The following CD2AP variants were observed in gnomAD, a reference collection of about 807,000 sequenced individuals.
The protein encoded by CD2AP is CD2 associated protein, also known as CD2-associated protein.
In CD2AP, 46 loss-of-function variants were observed where a neutral mutation model predicts 85.1. That is an observed-to-expected ratio of 0.54 (90% CI 0.43 to 0.69). The LOEUF is 0.69. Among genes scored for constraint, CD2AP ranks in the 30% least tolerant of loss-of-function variants. CD2AP has a pLI of 0.00. For synonymous variants in CD2AP, 255 were observed against 252.9 expected, an observed-to-expected ratio of 1.01 and a Z score of -0.08; for missense variants, 769 against 729.5, an observed-to-expected ratio of 1.05 and a Z score of -0.62.
intron 2 of CD2AP, among the ~76,000 whole-genome samples, chr6:47,510,877 A>G (rs567011636): frequency 2.6e-5 from 4 of 152,128 alleles, no homozygotes; most frequent in African/African-American, 9.6e-5. Context: ...GATCGAGACC[A>G]TCCTGGCCAA....
At position 47,533,644 on chromosome 6, in the gene CD2AP, A is replaced by G; in HGVS notation, c.208A>G (p.Ile70Val). Residue 70 changes from isoleucine to valine, a missense_variant, in exon 3 of 18, where the codon ATC becomes GTC. Ile to Val is a conservative substitution (Grantham distance 29). Transcript: ENST00000359314. ...ETEFKDDSLP[I>V]KRERHGNVAS... ...GGAATTCAAGGATGACAGTTTGCCC[A>G]TCAAACGGGAAAGGCATGGGAATGT... The G allele has an allele frequency of 6.2e-7, 1 of 1,614,120 alleles. No homozygotes were observed.
chr6:47,508,737 G>A (rs1056128487), intron 2 of CD2AP, among the ~76,000 whole-genome samples: 1 of 151,912 alleles, frequency 6.6e-6, no homozygotes, highest in African/African-American at 2.4e-5. Context: ...TAGAGATAAG[G>A]TTTCACCATG....
chr6:47,577,027 C>G lies in CD2AP; in HGVS notation c.827C>G (p.Thr276Arg). ...GKIKAKEYCR[T>R]LFAYEGTNED... ...ATTTCAGCTAAAGAATATTGTAGAACATTATTTGCCTATGAAGGTACTAAT... is the reference window on the plus strand; with the variant it reads ...ATTTCAGCTAAAGAATATTGTAGAAGATTATTTGCCTATGAAGGTACTAAT... Residue 276 changes from threonine to arginine, a missense_variant, in exon 8 of 18, where the codon ACA becomes AGA. Coordinates refer to ENST00000359314, the MANE Select transcript of CD2AP (RefSeq NM_012120.3). 6.7e-7 allele frequency: 1 copy of G among 1,493,320 alleles called. No individual in the cohort carries two copies. The highest frequency in any genetic ancestry group is 9.3e-7 in the Non-Finnish European group (1 of 1,070,306). 92.5% of individuals were successfully genotyped at this position (1,493,320 alleles called of 1,614,324 possible). A position where few individuals can be genotyped will look rare whatever the true frequency, so the allele number is the denominator to read the frequency against.
intron 17 of CD2AP, among the ~76,000 whole-genome samples, chr6:47,616,774 A>G (rs1189711536): frequency 6.6e-6 from 1 of 152,086 alleles, no homozygotes; most frequent in African/African-American, 2.4e-5. Context: ...CTGATTTTTC[A>G]CCTTCAATTC....
At chr6:47,565,765 G>C (rs189544658) in intron 5 of CD2AP, among the ~76,000 whole-genome samples, 1 of 151,970 alleles carries the variant, frequency 6.6e-6, no homozygotes, top group Non-Finnish European at 1.5e-5. Context: ...CTTCACTGCC[G>C]CTATCCTGGT....
At position 47,574,040 on chromosome 6, in the gene CD2AP, TTCAAAAACAAATTATTG is replaced by T; in HGVS notation, c.542-22_542-6del. 1 of 1,610,070 alleles carries T rather than the reference TTCAAAAACAAATTATTG, an allele frequency of 6.2e-7. No homozygotes were observed. The highest frequency in any genetic ancestry group is 8.5e-7 in the Non-Finnish European group (1 of 1,176,368). On this transcript the variant is annotated splice_polypyrimidine_tract_variant and splice_region_variant and intron_variant, in intron 5 of 17. Coordinates refer to ENST00000359314, the MANE Select transcript of CD2AP (RefSeq NM_012120.3). ...CGTTTTGTGATTCTAGGTGTCATTC[TTCAAAAACAAATTATTG>T]TTTCAGAAACTGTTTTGGCTGGGCC...
chr6:47,552,743 A>T lies in CD2AP; in HGVS notation c.421-1903A>T, dbSNP rs565956528. 1.6e-4 allele frequency among the ~76,000 whole-genome samples: 25 copies of T among 152,178 alleles called. No individual in the cohort carries two copies. The South Asian group carries it at 4.4e-3, about 27-fold the overall frequency. ...TCTCTCCGTTTGTTGTATTTATTCTAGTTTGGTCTACATCTAGTTTGGATC... is the reference window on the plus strand; with the variant it reads ...TCTCTCCGTTTGTTGTATTTATTCTTGTTTGGTCTACATCTAGTTTGGATC... On this transcript the variant is annotated intron_variant, in intron 4 of 17. Coordinates refer to ENST00000359314, the MANE Select transcript of CD2AP (RefSeq NM_012120.3).
At chr6:47,589,379 T>TATACACACACACACACACACACACAC (rs144886557) in intron 11 of CD2AP, among the ~76,000 whole-genome samples, 54,546 of 138,806 alleles carry the variant, frequency 0.39, 11,411 homozygotes, top group East Asian at 0.5. Flanking sequence ...CTCTTGAATA[T>TATACACACACACACACACACACACAC]ACACACACAC....
At chr6:47,556,791 G>A (rs570349073) in intron 5 of CD2AP, among the ~76,000 whole-genome samples, 6 of 152,180 alleles carry the variant, frequency 3.9e-5, no homozygotes, top group Non-Finnish European at 7.3e-5. Context: ...ACATATGTGT[G>A]TGTGTGTCTT....
Position 47,624,707 on chromosome 6 carries a change from GTGTGTGTGTGTGTGTA to G in CD2AP, c.*482_*497del, listed in dbSNP as rs1476515771. The G allele has an allele frequency of 8.0e-5, 11 of 138,066 alleles. No homozygotes were observed. The East Asian group carries it at 8.0e-4, about 10-fold the overall frequency. 8.6% of individuals were successfully genotyped at this position (138,066 alleles called of 1,614,324 possible). A position where few individuals can be genotyped will look rare whatever the true frequency, so the allele number is the denominator to read the frequency against. Reference sequence around the variant, plus strand: ...TGTGTGTGTGTGTGTGTGTGTGTGTGTGTGTGTGTGTGTGTATATATATATATATATTTTTACTTTT... The same window carrying G: ...TGTGTGTGTGTGTGTGTGTGTGTGTGTATATATATATATATTTTTACTTTT... On this transcript the variant is annotated 3_prime_UTR_variant, in exon 18 of 18. Coordinates refer to ENST00000359314, the MANE Select transcript of CD2AP (RefSeq NM_012120.3).
chr6:47,600,796 T>C (rs1769107556), intron 13 of CD2AP, among the ~76,000 whole-genome samples: 1 of 151,962 alleles, frequency 6.6e-6, no homozygotes, highest in African/African-American at 2.4e-5. Context: ...ATTTAAAATA[T>C]AGCTAGAAAT....
intron 5 of CD2AP, among the ~76,000 whole-genome samples, chr6:47,565,573 C>A (rs2114082134): frequency 6.6e-6 from 1 of 152,138 alleles, no homozygotes; most frequent in African/African-American, 2.4e-5. Context: ...AATTGATCCT[C>A]TGCCTTTTTT....
At chr6:47,564,970 C>T (rs562764667) in intron 5 of CD2AP, among the ~76,000 whole-genome samples, 3 of 152,094 alleles carry the variant, frequency 2.0e-5, no homozygotes, top group Non-Finnish European at 4.4e-5. Flanking sequence ...CTCCTCCTCC[C>T]TTTCCCTTTT....
chr6:47,574,148 A>G lies in CD2AP; in HGVS notation c.626A>G (p.Lys209Arg). Residue 209 changes from lysine to arginine, a missense_variant, in exon 6 of 18, where the codon AAG (lysine) becomes AGG (arginine). Lys to Arg is a conservative substitution (Grantham distance 26). Coordinates refer to ENST00000359314, the MANE Select transcript of CD2AP (RefSeq NM_012120.3). ...ETASGSVTQP[K>R]KIRGIGFGDI... ...GCATCTGGATCAGTTACACAGCCAA[A>G]GAAAATTCGAGGAATTGGATTTGGA... The G allele has an allele frequency of 6.2e-7, 1 of 1,614,116 alleles. No homozygotes were observed. The highest frequency in any genetic ancestry group is 8.5e-7 in the Non-Finnish European group (1 of 1,179,982).
At chr6:47,526,272 A>G (rs1314718269) in intron 2 of CD2AP, among the ~76,000 whole-genome samples, 1 of 152,136 alleles carries the variant, frequency 6.6e-6, no homozygotes, top group Non-Finnish European at 1.5e-5. Context: ...TTCTAGTAGT[A>G]AGGGATTGTA....
chr6:47,536,804 C>G (rs1767060893), intron 3 of CD2AP, among the ~76,000 whole-genome samples: 1 of 152,082 alleles, frequency 6.6e-6, no homozygotes, highest in African/African-American at 2.4e-5. Context: ...ACTTCTGACA[C>G]CCTTGTAAAA....
At chr6:47,570,673 G>C (rs770237722) in intron 5 of CD2AP, among the ~76,000 whole-genome samples, 32 of 152,200 alleles carry the variant, frequency 2.1e-4, no homozygotes, top group Non-Finnish European at 3.5e-4. Flanking sequence ...CACTGAGCCA[G>C]GCACTGTTTA....
At chr6:47,589,399 T>C (rs372001958) in intron 11 of CD2AP, among the ~76,000 whole-genome samples, 6 of 10,410 alleles carry the variant, frequency 5.8e-4, no homozygotes, top group Non-Finnish European at 2.0e-3. Flanking sequence ...CACACAAATG[T>C]ATATACACAC....
chr6:47,608,171 T>C, intron 15 of CD2AP, 143 bp downstream of exon 15: 1 of 672,702 alleles, frequency 1.5e-6, no homozygotes, highest in East Asian at 2.8e-5. Context: ...ATTGAGTTGT[T>C]TAGCTTCATC....
Sources: gnomAD v4.1 joint callset for allele counts (sites outside exome capture counted in the v4.1 genomes callset) on GRCh38, gnomAD v4.1.1 for gene constraint, MANE v1.5 for transcripts, NCBI Gene and HGNC (gene_info 2026-07-23, HGNC 2026-07-21) for gene names.